Variants in CNTN5 observed in about 807,000 individuals in gnomAD.
The protein encoded by CNTN5 is contactin 5.
CNTN5 carries 77 observed loss-of-function variants against 129.1 expected under a neutral mutation model. The observed-to-expected ratio is 0.60, with a 90% CI of 0.50 to 0.72. The LOEUF is 0.72. CNTN5 is among the 30% of genes least tolerant of loss of function. CNTN5 has a pLI of 0.00. For missense variants in CNTN5, 1,478 were observed against 1,328.8 expected, an observed-to-expected ratio of 1.11 and a Z score of -1.75; for synonymous variants, 509 against 465.6, an observed-to-expected ratio of 1.09 and a Z score of -1.20.
At chr11:99,097,466 AT>A (rs1173335759) in intron 1 of CNTN5, among the ~76,000 whole-genome samples, 2 of 151,862 alleles carry the variant, frequency 1.3e-5, no homozygotes, top group Non-Finnish European at 2.9e-5. Context: ...GACCATAAGG[AT>A]TTTTTTCTGT....
intron 2 of CNTN5, among the ~76,000 whole-genome samples, chr11:99,505,078 C>G (rs1223930297): frequency 3.3e-5 from 5 of 152,168 alleles, no homozygotes; most frequent in African/African-American, 1.2e-4. Context: ...GGCCTCTTCT[C>G]AAGACTCAAT....
chr11:99,640,065 G>A (rs1354108013), intron 3 of CNTN5, among the ~76,000 whole-genome samples: 1 of 152,028 alleles, frequency 6.6e-6, no homozygotes, highest in Admixed American at 6.6e-5. Context: ...CCTCAGCCTC[G>A]ATTTTATTGT....
chr11:99,126,811 C>T (rs1356579723), intron 1 of CNTN5, among the ~76,000 whole-genome samples: 1 of 152,160 alleles, frequency 6.6e-6, no homozygotes, highest in Non-Finnish European at 1.5e-5. Context: ...TTTATAGGCT[C>T]TGCTTCTATT....
At chr11:99,720,455 A>G (rs571960264) in intron 3 of CNTN5, among the ~76,000 whole-genome samples, 7 of 152,292 alleles carry the variant, frequency 4.6e-5, no homozygotes, top group African/African-American at 1.7e-4. Flanking sequence ...GATAAAATTC[A>G]TCATCACTTC....
chr11:99,359,387 C>A (rs1938938155), intron 2 of CNTN5, among the ~76,000 whole-genome samples: 1 of 151,908 alleles, frequency 6.6e-6, no homozygotes, highest in South Asian at 2.1e-4. Context: ...CTCAGAGACC[C>A]CACCTCCTAA....
chr11:99,430,386 TATATAC>T (rs150914575), intron 2 of CNTN5, among the ~76,000 whole-genome samples: 29,380 of 150,502 alleles, frequency 0.2, 3,099 homozygotes, highest in Admixed American at 0.24. Flanking sequence ...CGCATGTGTG[TATATAC>T]ATATACATAT....
At chr11:99,083,019 C>T (rs1865869037) in intron 1 of CNTN5, among the ~76,000 whole-genome samples, 2 of 143,424 alleles carry the variant, frequency 1.4e-5, no homozygotes, top group African/African-American at 5.0e-5. Flanking sequence ...CAAAATATTA[C>T]AATAAATGAT....
intron 6 of CNTN5, among the ~76,000 whole-genome samples, chr11:99,913,362 C>A (rs1402845365): frequency 6.6e-6 from 1 of 151,712 alleles, no homozygotes; most frequent in Non-Finnish European, 1.5e-5. Context: ...TTTCACTTTT[C>A]TTTATGGTAG....
At chr11:99,530,966 G>A (rs1947681415) in intron 2 of CNTN5, among the ~76,000 whole-genome samples, 1 of 152,214 alleles carries the variant, frequency 6.6e-6, no homozygotes, top group South Asian at 2.1e-4. Flanking sequence ...AGTAGAGTCG[G>A]GCGTTGCTGA....
intron 3 of CNTN5, among the ~76,000 whole-genome samples, chr11:99,789,082 A>C (rs184476072): frequency 3.3e-3 from 502 of 152,046 alleles, no homozygotes; most frequent in African/African-American, 0.011. Flanking sequence ...AACAAACAAA[A>C]AAAAATTATA....
intron 1 of CNTN5, among the ~76,000 whole-genome samples, chr11:99,201,377 T>TCCTTCCTTCCTTCCTTCCTC (rs770352934): frequency 7.8e-5 from 11 of 141,558 alleles, no homozygotes; most frequent in Non-Finnish European, 1.1e-4. Context: ...CTTCCTTCCT[T>TCCTTCCTTCCTTCCTTCCTC]CCTTCTTTCC....
intron 3 of CNTN5, among the ~76,000 whole-genome samples, chr11:99,685,343 G>C (rs921963094): frequency 6.6e-6 from 1 of 151,798 alleles, no homozygotes; most frequent in Non-Finnish European, 1.5e-5. Flanking sequence ...GTGTACCATA[G>C]TTGCTGAGTA....
At chr11:99,979,271 G>A (rs1168364332) in intron 8 of CNTN5, among the ~76,000 whole-genome samples, 5 of 151,996 alleles carry the variant, frequency 3.3e-5, no homozygotes, top group Non-Finnish European at 5.9e-5. Context: ...AGAGTAAAGA[G>A]GTATCATATT....
intron 3 of CNTN5, among the ~76,000 whole-genome samples, chr11:99,680,773 A>C (rs72983665): frequency 6.6e-6 from 1 of 151,938 alleles, no homozygotes; most frequent in Non-Finnish European, 1.5e-5. Context: ...GCTGTATGGC[A>C]GCTATAGTCT....
At chr11:100,313,048 G>A (rs1406290093) in intron 21 of CNTN5, among the ~76,000 whole-genome samples, 7 of 152,066 alleles carry the variant, frequency 4.6e-5, no homozygotes, top group Admixed American at 4.6e-4. Flanking sequence ...AAAATAGTTT[G>A]AGGGTTGGGT....
At chr11:100,220,225 C>G (rs1035033501) in intron 15 of CNTN5, among the ~76,000 whole-genome samples, 1 of 151,560 alleles carries the variant, frequency 6.6e-6, no homozygotes, top group Non-Finnish European at 1.5e-5. Flanking sequence ...TGCAGTGAGC[C>G]AAGATTGCAC....
rs546184638 is a variant in CNTN5, at chr11:99,534,509, A to G, written c.-70-21636A>G. Among the ~76,000 whole-genome samples the G allele has an allele frequency of 6.5e-3, 995 of 152,110 alleles. 5 individuals carry two copies. Among genetic ancestry groups the G allele is most frequent in the Non-Finnish European group, 8.0e-3 (541 of 67,926 alleles). On this transcript the variant is annotated intron_variant, in intron 2 of 24. Transcript: ENST00000524871. The stretch of plus-strand genomic sequence containing the variant: ...CTAAAAATCAACAAAAAATTTGGGC[A>G]TAGTTAGAATAATTTGATGGACAAT...
At chr11:99,778,003 A>G (rs1478180067) in intron 3 of CNTN5, among the ~76,000 whole-genome samples, 1 of 151,848 alleles carries the variant, frequency 6.6e-6, no homozygotes, top group African/African-American at 2.4e-5. Context: ...CCCTTACACT[A>G]GCTTTATCTC....
chr11:99,812,488 C>A (rs1946459223), intron 3 of CNTN5, among the ~76,000 whole-genome samples: 1 of 152,144 alleles, frequency 6.6e-6, no homozygotes, highest in East Asian at 1.9e-4. Context: ...GTATTGAGTT[C>A]TTACTATCAG....
Sources: gnomAD v4.1 joint callset for allele counts (sites outside exome capture counted in the v4.1 genomes callset) on GRCh38, gnomAD v4.1.1 for gene constraint, MANE v1.5 for transcripts, NCBI Gene and HGNC (gene_info 2026-07-23, HGNC 2026-07-21) for gene names.